Variants in GRM1 observed in about 807,000 individuals in gnomAD.
GRM1 encodes the protein glutamate metabotropic receptor 1.
In GRM1, 33 loss-of-function variants were observed where a neutral mutation model predicts 90.9. The observed-to-expected ratio is 0.36, with a 90% CI of 0.28 to 0.49. GRM1 has a LOEUF of 0.49. Among genes scored for constraint, GRM1 ranks in the 20% least tolerant of loss-of-function variants. The pLI, the probability that GRM1 is intolerant of heterozygous loss-of-function variation, is 0.99. For missense variants in GRM1, 1,190 were observed against 1,534.3 expected, an observed-to-expected ratio of 0.78 and a Z score of 3.75; for synonymous variants, 700 against 613.2, an observed-to-expected ratio of 1.14 and a Z score of -2.09.
intron 1 of GRM1, among the ~76,000 whole-genome samples, chr6:146,075,338 G>T (rs1300182238): frequency 6.6e-6 from 1 of 152,166 alleles, no homozygotes. Context: ...GTCAGACACT[G>T]TGCTAGCTCT....
intron 5 of GRM1, among the ~76,000 whole-genome samples, chr6:146,373,469 A>C (rs1775978240): frequency 6.6e-6 from 1 of 152,068 alleles, no homozygotes; most frequent in African/African-American, 2.4e-5. Context: ...CTATCGTGAG[A>C]CAGCACTAGG....
chr6:146,062,330 C>T (rs1398820166), intron 1 of GRM1, among the ~76,000 whole-genome samples: 1 of 143,212 alleles, frequency 7.0e-6, no homozygotes, highest in East Asian at 2.0e-4. Flanking sequence ...ACATCACACA[C>T]TAGGGCCTGT....
intron 5 of GRM1, among the ~76,000 whole-genome samples, chr6:146,362,168 AAG>A (rs2115065495): frequency 6.6e-6 from 1 of 152,292 alleles, no homozygotes; most frequent in African/African-American, 2.4e-5. Context: ...AGGTTGCAGT[AAG>A]AGAATAGAGG....
chr6:146,034,771 C>T (rs1582905707), intron 1 of GRM1, among the ~76,000 whole-genome samples: 1 of 151,894 alleles, frequency 6.6e-6, no homozygotes, highest in Non-Finnish European at 1.5e-5. Context: ...CAGTGCTTTT[C>T]CTCCTCTTAC....
intron 1 of GRM1, among the ~76,000 whole-genome samples, chr6:146,108,439 C>T (rs968294008): frequency 6.6e-6 from 1 of 152,132 alleles, no homozygotes; most frequent in African/African-American, 2.4e-5. Flanking sequence ...GGGTTCCCTC[C>T]ACAAGCTCTC....
chr6:146,248,017 T>G (rs1041516139), intron 2 of GRM1, among the ~76,000 whole-genome samples: 2 of 151,902 alleles, frequency 1.3e-5, no homozygotes, highest in African/African-American at 2.4e-5. Context: ...AGGAATCTTT[T>G]GTTGGATGCT....
chr6:146,095,809 C>G (rs1170492130), intron 1 of GRM1, among the ~76,000 whole-genome samples: 1 of 152,124 alleles, frequency 6.6e-6, no homozygotes, highest in East Asian at 1.9e-4. Context: ...GTTTTATACT[C>G]TAAGGTTGGA....
At chr6:146,382,244 A>G (rs1261631792) in intron 5 of GRM1, among the ~76,000 whole-genome samples, 1 of 148,592 alleles carries the variant, frequency 6.7e-6, no homozygotes, top group Non-Finnish European at 1.5e-5. Context: ...AGTTACTATG[A>G]CAAATATAAA....
At chr6:146,270,592 C>T (rs1782080311) in intron 2 of GRM1, among the ~76,000 whole-genome samples, 1 of 152,180 alleles carries the variant, frequency 6.6e-6, no homozygotes, top group Admixed American at 6.5e-5. Context: ...ACCCCCAACC[C>T]AAGGTTTGAA....
At position 146,192,123 on chromosome 6, in the gene GRM1, A is replaced by T. The variant is rs1778953546; in HGVS notation, c.950+32526A>T. On this transcript the variant is annotated intron_variant, in intron 2 of 7. Transcript: ENST00000282753. ...TATTGTGGTCTAAGACAATTTCCAA[A>T]TGCTAGCGTTCACTTATTGAAAAGG... is the stretch of plus-strand genomic sequence containing the variant. Among the ~76,000 whole-genome samples, 2 of 152,246 alleles carry T rather than the reference A, an allele frequency of 1.3e-5. 1 individual carries two copies. The highest frequency in any genetic ancestry group is 4.1e-4 in the South Asian group (2 of 4,836).
intron 1 of GRM1, among the ~76,000 whole-genome samples, chr6:146,082,701 C>G (rs886183617): frequency 6.6e-6 from 1 of 152,180 alleles, no homozygotes; most frequent in African/African-American, 2.4e-5. Context: ...GCTCCAACAG[C>G]TAGAACTGGC....
intron 2 of GRM1, among the ~76,000 whole-genome samples, chr6:146,191,608 A>G (rs914151742): frequency 6.6e-6 from 1 of 152,190 alleles, no homozygotes; most frequent in African/African-American, 2.4e-5. Context: ...TTTTACCTAA[A>G]TAATTACATA....
At chr6:146,112,923 A>G (rs958981995) in intron 1 of GRM1, among the ~76,000 whole-genome samples, 15 of 152,204 alleles carry the variant, frequency 9.9e-5, no homozygotes, top group African/African-American at 3.4e-4. Context: ...TCAGCCATCT[A>G]GCTCACTTTG....
chr6:146,282,135 G>T (rs976179469), intron 2 of GRM1, among the ~76,000 whole-genome samples: 14 of 151,268 alleles, frequency 9.3e-5, no homozygotes, highest in Non-Finnish European at 1.8e-4. Context: ...ACCTTTAACA[G>T]GCCACACTCT....
chr6:146,268,170 AAG>A (rs1781988475), intron 2 of GRM1, among the ~76,000 whole-genome samples: 1 of 152,114 alleles, frequency 6.6e-6, no homozygotes, highest in African/African-American at 2.4e-5. Context: ...CACTTATCTC[AAG>A]ATTTTTGTTT....
rs767046585 is a variant in GRM1, at chr6:146,184,432, G to GT, written c.950+24844dup. Among the ~76,000 whole-genome samples the GT allele has an allele frequency of 6.6e-3, 990 of 150,592 alleles. 10 individuals carry two copies. The highest frequency in any genetic ancestry group is 0.022 in the African/African-American group (903 of 41,050). ...TAATTGTGGCTGATAAGTTTTTTCTGTTTTTTTTTAATTAACTATCTGTGG... is the reference window on the plus strand; with the variant it reads ...TAATTGTGGCTGATAAGTTTTTTCTGTTTTTTTTTTAATTAACTATCTGTGG... On this transcript the variant is annotated intron_variant, in intron 2 of 7. Transcript: ENST00000282753.
At chr6:146,422,184 C>T (rs1321134045) in intron 7 of GRM1, among the ~76,000 whole-genome samples, 1 of 152,164 alleles carries the variant, frequency 6.6e-6, no homozygotes, top group East Asian at 1.9e-4. Context: ...AAACATGCAA[C>T]TTCATAGACA....
At chr6:146,151,235 A>G (rs1290964452) in intron 1 of GRM1, among the ~76,000 whole-genome samples, 3 of 152,196 alleles carry the variant, frequency 2.0e-5, no homozygotes, top group South Asian at 2.1e-4. Flanking sequence ...AGATTCTCCA[A>G]AGGAAAACCA....
intron 3 of GRM1, among the ~76,000 whole-genome samples, chr6:146,321,933 G>A (rs1182902416): frequency 6.6e-6 from 1 of 152,104 alleles, no homozygotes; most frequent in Non-Finnish European, 1.5e-5. Flanking sequence ...GCCAGTCTGT[G>A]TCTTTTAATT....
Sources: gnomAD v4.1 joint callset for allele counts (sites outside exome capture counted in the v4.1 genomes callset) on GRCh38, gnomAD v4.1.1 for gene constraint, MANE v1.5 for transcripts, NCBI Gene and HGNC (gene_info 2026-07-23, HGNC 2026-07-21) for gene names.